CCDC148: variants seen among roughly 807,000 people sequenced by gnomAD.
The protein encoded by CCDC148 is coiled-coil domain containing 148.
In CCDC148, 89 loss-of-function variants were observed where a neutral mutation model predicts 85.7. The observed-to-expected ratio is 1.04, with a 90% CI of 0.87 to 1.24. CCDC148 has a LOEUF of 1.24. Among genes scored for constraint, CCDC148 ranks in the 50% most tolerant of loss-of-function variants. The pLI is 0.00. For synonymous variants in CCDC148, 230 were observed against 213.9 expected, an observed-to-expected ratio of 1.08 and a Z score of -0.66; for missense variants, 692 against 671.7, an observed-to-expected ratio of 1.03 and a Z score of -0.33.
intron 9 of CCDC148, among the ~76,000 whole-genome samples, chr2:158,279,280 A>T (rs980267033): frequency 1.3e-5 from 2 of 152,212 alleles, no homozygotes; most frequent in Non-Finnish European, 2.9e-5. Flanking sequence ...CTGGACGGAG[A>T]ATGACTTTGA....
intron 9 of CCDC148, among the ~76,000 whole-genome samples, chr2:158,256,630 C>T (rs1226231816): frequency 6.6e-6 from 1 of 151,570 alleles, no homozygotes; most frequent in Non-Finnish European, 1.5e-5. Flanking sequence ...TGAAAAATTG[C>T]CATTTATGAG....
intron 10 of CCDC148, among the ~76,000 whole-genome samples, chr2:158,249,405 C>T (rs913863206): frequency 2.0e-5 from 3 of 152,074 alleles, no homozygotes; most frequent in South Asian, 4.1e-4. Flanking sequence ...TTATTTGAAA[C>T]GTGATCAATA....
chr2:158,236,009 G>A (rs1688089343), intron 10 of CCDC148: 3 of 152,280 alleles, frequency 2.0e-5, no homozygotes, highest in African/African-American at 7.2e-5. Flanking sequence ...AAGCCAGAGG[G>A]CAAGGAAGCC....
At position 158,354,653 on chromosome 2, in the gene CCDC148, G is replaced by A. The variant is rs1287084898; in HGVS notation, c.147+3796C>T. 7.2e-5 allele frequency among the ~76,000 whole-genome samples: 11 copies of A among 152,106 alleles called. No individual in the cohort carries two copies. In the East Asian group the frequency reaches 1.2e-3, roughly 16 times the overall value. On this transcript the variant is annotated intron_variant, in intron 2 of 13. Coordinates refer to ENST00000283233, the MANE Select transcript of CCDC148 (RefSeq NM_138803.4). The stretch of plus-strand genomic sequence containing the variant: ...CAGCTGAATTCTACCAGAGGTACAA[G>A]GAGGAACTGGTACCATTCCTTCTGA...
At chr2:158,313,698 A>G in intron 8 of CCDC148, 58 bp downstream of exon 8, 7 of 1,507,840 alleles carry the variant, frequency 4.6e-6, no homozygotes, top group Non-Finnish European at 6.3e-6. Context: ...ATTGCTTAAT[A>G]ATTATTGACT....
intron 7 of CCDC148, among the ~76,000 whole-genome samples, chr2:158,319,055 A>G (rs1215459140): frequency 6.6e-6 from 1 of 152,152 alleles, no homozygotes; most frequent in African/African-American, 2.4e-5. Flanking sequence ...CATAAGCCAC[A>G]GCACCTCACC....
intron 1 of CCDC148, among the ~76,000 whole-genome samples, chr2:158,439,157 C>G (rs1687813618): frequency 6.6e-6 from 1 of 152,146 alleles, no homozygotes; most frequent in African/African-American, 2.4e-5. Context: ...AATCATGCTG[C>G]TATAAAGACA....
chr2:158,266,574 G>A (rs904813876), intron 9 of CCDC148, among the ~76,000 whole-genome samples: 26 of 152,092 alleles, frequency 1.7e-4, no homozygotes, highest in African/African-American at 3.9e-4. Context: ...CCCATTTCCC[G>A]AGCAGTATAC....
intron 1 of CCDC148, among the ~76,000 whole-genome samples, chr2:158,387,665 G>A (rs901062252): frequency 2.6e-5 from 4 of 151,484 alleles, no homozygotes; most frequent in East Asian, 2.0e-4. Flanking sequence ...ACCCCATTGC[G>A]TGAGCCTGCT....
At chr2:158,406,311 G>A (rs1685993878) in intron 1 of CCDC148, among the ~76,000 whole-genome samples, 1 of 152,110 alleles carries the variant, frequency 6.6e-6, no homozygotes, top group Admixed American at 6.6e-5. Flanking sequence ...GGTTAACACA[G>A]TTAACACAGA....
At chr2:158,326,090 T>A (rs1161854251) in intron 7 of CCDC148, among the ~76,000 whole-genome samples, 1 of 152,154 alleles carries the variant, frequency 6.6e-6, no homozygotes, top group Non-Finnish European at 1.5e-5. Flanking sequence ...GCTACAAGGC[T>A]CTAAATGTCC....
chr2:158,377,517 G>A (rs1559108801), intron 1 of CCDC148, among the ~76,000 whole-genome samples: 1 of 152,040 alleles, frequency 6.6e-6, no homozygotes, highest in East Asian at 1.9e-4. Context: ...ATGTATGTAT[G>A]TAATTGGAAA....
chr2:158,201,483 C>T lies in CCDC148; in HGVS notation c.1370+19112G>A, dbSNP rs923198028. Reference sequence around the variant, plus strand: ...GGAGTGCAGTATTATGATCTTGGCTCACTGCAACCTCCATGTCCCAGGCTC... The same window carrying T: ...GGAGTGCAGTATTATGATCTTGGCTTACTGCAACCTCCATGTCCCAGGCTC... On this transcript the variant is annotated intron_variant, in intron 11 of 13. Transcript: ENST00000283233. 3.9e-5 allele frequency among the ~76,000 whole-genome samples: 6 copies of T among 152,074 alleles called. No homozygotes were observed. The East Asian group carries it at 5.8e-4, about 15-fold the overall frequency.
intron 11 of CCDC148, among the ~76,000 whole-genome samples, chr2:158,216,001 T>G (rs1368715441): frequency 1.3e-5 from 2 of 152,210 alleles, no homozygotes; most frequent in African/African-American, 4.8e-5. Context: ...GCCTCCAGAA[T>G]AGTGAGAAAA....
intron 11 of CCDC148, among the ~76,000 whole-genome samples, chr2:158,190,213 A>G (rs1435047002): frequency 7.9e-5 from 12 of 151,900 alleles, no homozygotes; most frequent in Admixed American, 7.9e-4. Context: ...ATCCACGACC[A>G]TGATACAGAC....
chr2:158,455,338 A>G (rs1244905488), intron 1 of CCDC148, among the ~76,000 whole-genome samples: 1 of 151,466 alleles, frequency 6.6e-6, no homozygotes, highest in East Asian at 1.9e-4. Flanking sequence ...CCACAGTCCT[A>G]CCCTGTGTAG....
At chr2:158,290,259 G>A (rs1213126821) in intron 9 of CCDC148, among the ~76,000 whole-genome samples, 1 of 152,096 alleles carries the variant, frequency 6.6e-6, no homozygotes, top group Non-Finnish European at 1.5e-5. Context: ...TGGGCACAGG[G>A]ATACCCCACC....
intron 11 of CCDC148, among the ~76,000 whole-genome samples, chr2:158,179,504 C>A (rs1684782457): frequency 6.6e-6 from 1 of 152,004 alleles, no homozygotes; most frequent in South Asian, 2.1e-4. Flanking sequence ...CAGTTCATCT[C>A]ATTCCTCATT....
At position 158,175,638 on chromosome 2, in the gene CCDC148, A is replaced by C. The variant is rs372673533; in HGVS notation, c.1629+883T>G. 1.7e-4 allele frequency among the ~76,000 whole-genome samples: 26 copies of C among 152,216 alleles called. No individual in the cohort carries two copies. The East Asian group carries it at 5.0e-3, about 29-fold the overall frequency. On this transcript the variant is annotated intron_variant, in intron 13 of 13. Transcript: ENST00000283233. ...CTGATGTAGCCCAGGCACCATACGC[A>C]GAGCCAGAATATAATATATGTTCCA...
Sources: allele counts gnomAD v4.1 joint callset (sites outside exome capture counted in the v4.1 genomes callset), GRCh38; gene constraint gnomAD v4.1.1; transcripts MANE v1.5; gene names NCBI Gene and HGNC (gene_info 2026-07-23, HGNC 2026-07-21).